The following RABGAP1L variants were observed in gnomAD, a reference collection of about 807,000 sequenced individuals.
The protein encoded by RABGAP1L is RAB GTPase activating protein 1 like, also known as rab GTPase-activating protein 1-like.
In RABGAP1L, 63 loss-of-function variants were observed where a neutral mutation model predicts 137.7. That is an observed-to-expected ratio of 0.46 (90% CI 0.37 to 0.56). The LOEUF is 0.56. Ranked by LOEUF, RABGAP1L falls within the 20% of genes least tolerant of loss-of-function variation. RABGAP1L has a pLI of 0.00. For missense variants in RABGAP1L, 1,095 were observed against 1,244.0 expected (o/e 0.88, Z 1.80); for synonymous variants, 431 against 433.7 (o/e 0.99, Z 0.08).
chr1:174,799,784 C>T, intron 18 of RABGAP1L: 1 of 951,020 alleles, frequency 1.1e-6, no homozygotes, highest in Non-Finnish European at 1.3e-6. Context: ...GTAGCAGCAG[C>T]AGCAGCAACA....
At chr1:174,319,084 T>C (rs1679698341) in intron 11 of RABGAP1L, among the ~76,000 whole-genome samples, 2 of 152,154 alleles carry the variant, frequency 1.3e-5, no homozygotes, top group Non-Finnish European at 2.9e-5. Context: ...CAGTAACTTT[T>C]ATACTTTCAG....
chr1:174,376,671 CA>C (rs978590638), intron 12 of RABGAP1L, among the ~76,000 whole-genome samples: 39 of 151,850 alleles, frequency 2.6e-4, no homozygotes, highest in Admixed American at 2.0e-3. Context: ...AACCAAAAAA[CA>C]AAAAAACCTC....
chr1:174,614,599 T>C (rs542920189), intron 13 of RABGAP1L, among the ~76,000 whole-genome samples: 20 of 152,300 alleles, frequency 1.3e-4, no homozygotes, highest in African/African-American at 4.8e-4. Context: ...GCATTCTCTG[T>C]ATTTCCTGAA....
intron 10 of RABGAP1L, among the ~76,000 whole-genome samples, chr1:174,299,413 A>G (rs1261749474): frequency 6.6e-6 from 1 of 152,200 alleles, no homozygotes; most frequent in Non-Finnish European, 1.5e-5. Flanking sequence ...CTGGGCTTTT[A>G]TGGGCTCTGC....
At chr1:174,461,911 A>G (rs1656733217) in intron 13 of RABGAP1L, among the ~76,000 whole-genome samples, 1 of 152,226 alleles carries the variant, frequency 6.6e-6, no homozygotes, top group African/African-American at 2.4e-5. Context: ...GGGGTAGCTC[A>G]GGTTTTTTCC....
chr1:174,930,436 G>T (rs746449375), intron 19 of RABGAP1L, among the ~76,000 whole-genome samples: 2 of 151,664 alleles, frequency 1.3e-5, no homozygotes, highest in Non-Finnish European at 2.9e-5. Flanking sequence ...TCCTACCTCA[G>T]TCTCTCTGGT....
intron 13 of RABGAP1L, among the ~76,000 whole-genome samples, chr1:174,479,474 A>G (rs1349950979): frequency 6.6e-6 from 1 of 152,202 alleles, no homozygotes; most frequent in Admixed American, 6.5e-5. Context: ...TTTGATGCAT[A>G]TGGACTAACA....
chr1:174,502,660 G>A (rs1294298318), intron 13 of RABGAP1L, among the ~76,000 whole-genome samples: 2 of 147,484 alleles, frequency 1.4e-5, no homozygotes, highest in African/African-American at 5.0e-5. Context: ...ACATATATAT[G>A]TGTGTGTGTA....
At chr1:174,477,735 ATATT>A (rs1264174260) in intron 13 of RABGAP1L, among the ~76,000 whole-genome samples, 1 of 152,190 alleles carries the variant, frequency 6.6e-6, no homozygotes, top group Non-Finnish European at 1.5e-5. Context: ...TGGTAAAATT[ATATT>A]TATTTAAGAG....
At chr1:174,162,065 A>G (rs1664514991) in intron 1 of RABGAP1L, among the ~76,000 whole-genome samples, 1 of 147,466 alleles carries the variant, frequency 6.8e-6, no homozygotes, top group Admixed American at 6.8e-5. Flanking sequence ...GAGTTATTTG[A>G]TGGGAATTTC....
chr1:174,623,045 C>G (rs1483873103), intron 13 of RABGAP1L, among the ~76,000 whole-genome samples: 1 of 152,116 alleles, frequency 6.6e-6, no homozygotes, highest in Non-Finnish European at 1.5e-5. Context: ...TGATCTGATA[C>G]AGATTTTTCA....
At chr1:174,417,150 T>G (rs1260752970) in intron 13 of RABGAP1L, among the ~76,000 whole-genome samples, 1 of 152,188 alleles carries the variant, frequency 6.6e-6, no homozygotes, top group Non-Finnish European at 1.5e-5. Flanking sequence ...CAGTGAAGAC[T>G]GGAATTTTAA....
chr1:174,500,419 C>T (rs1661152560), intron 13 of RABGAP1L, among the ~76,000 whole-genome samples: 1 of 152,110 alleles, frequency 6.6e-6, no homozygotes, highest in Non-Finnish European at 1.5e-5. Context: ...CATTGTACCA[C>T]ATACTGGCCC....
intron 17 of RABGAP1L, among the ~76,000 whole-genome samples, chr1:174,720,154 A>T (rs1410612143): frequency 6.6e-6 from 1 of 152,140 alleles, no homozygotes; most frequent in Non-Finnish European, 1.5e-5. Flanking sequence ...TGGGCATTTG[A>T]TTTTCAACAA....
At chr1:174,616,203 C>T (rs1671841753) in intron 13 of RABGAP1L, among the ~76,000 whole-genome samples, 1 of 152,200 alleles carries the variant, frequency 6.6e-6, no homozygotes, top group Non-Finnish European at 1.5e-5. Context: ...AGAGCTGTTC[C>T]TATTCGGCCA....
chr1:174,404,009 A>T (rs1648958214), intron 13 of RABGAP1L, among the ~76,000 whole-genome samples: 1 of 152,096 alleles, frequency 6.6e-6, no homozygotes, highest in South Asian at 2.1e-4. Flanking sequence ...TTATTAATTC[A>T]CTTATTCACC....
intron 1 of RABGAP1L, among the ~76,000 whole-genome samples, chr1:174,183,698 C>T (rs116600215): frequency 1.8e-3 from 279 of 152,190 alleles, no homozygotes; most frequent in African/African-American, 6.6e-3. Flanking sequence ...TGTATAGTGA[C>T]GTGTGTCCAC....
intron 12 of RABGAP1L, among the ~76,000 whole-genome samples, chr1:174,383,143 C>G (rs1312847815): frequency 1.1e-3 from 169 of 149,866 alleles, no homozygotes; most frequent in Middle Eastern, 7.0e-3. Context: ...GGCAGTCTGC[C>G]CGTTCTCAGA....
At chr1:174,549,637 T>C (rs944724827) in intron 13 of RABGAP1L, among the ~76,000 whole-genome samples, 2 of 152,186 alleles carry the variant, frequency 1.3e-5, no homozygotes, top group African/African-American at 4.8e-5. Context: ...AGTAAAACTA[T>C]TGAAAAGCCA....
Sources: allele counts gnomAD v4.1 joint callset (sites outside exome capture counted in the v4.1 genomes callset), GRCh38; gene constraint gnomAD v4.1.1; transcripts MANE v1.5; gene names NCBI Gene and HGNC (gene_info 2026-07-23, HGNC 2026-07-21).